AOPEP: variants seen among roughly 807,000 people sequenced by gnomAD.
The protein encoded by AOPEP is aminopeptidase O (putative).
AOPEP carries 77 observed loss-of-function variants against 98.1 expected under a neutral mutation model. That is an observed-to-expected ratio of 0.78 (90% CI 0.65 to 0.95). The LOEUF (loss-of-function observed/expected upper bound fraction) is 0.95, where lower values mean the gene tolerates loss of function less well. AOPEP is among the 40% of genes least tolerant of loss of function. AOPEP has a pLI of 0.00. For missense variants in AOPEP, 1,024 were observed against 1,024.7 expected, an observed-to-expected ratio of 1.00 and a Z score of 0.01; for synonymous variants, 346 against 365.3, an observed-to-expected ratio of 0.95 and a Z score of 0.60.
At chr9:95,133,244 C>T in the AOPEP span, among the ~76,000 whole-genome samples, 1 of 152,254 alleles carries the variant, frequency 6.6e-6, no homozygotes, top group African/African-American at 2.4e-5. Context: ...CTGAGGAGAA[C>T]AGCCCACACC....
intron 5 of AOPEP, among the ~76,000 whole-genome samples, chr9:94,851,583 C>T (rs902880441): frequency 1.3e-5 from 2 of 151,700 alleles, no homozygotes; most frequent in African/African-American, 4.8e-5. Flanking sequence ...ATTACTTGCT[C>T]TCTCCTCAGA....
Position 94,894,701 on chromosome 9 carries a change from C to T in AOPEP, c.1365-29285C>T, listed in dbSNP as rs2049269220. 5.9e-5 allele frequency among the ~76,000 whole-genome samples: 9 copies of T among 152,080 alleles called. No homozygotes were observed. The South Asian group carries it at 1.7e-3, about 28-fold the overall frequency. ...GAAGGCTTTCAAATTATGTTTATGA[C>T]CAGCAAAATACTAATGCCATAACCT... On this transcript the variant is annotated intron_variant, in intron 5 of 16. Transcript: ENST00000375315.
intron 3 of AOPEP, among the ~76,000 whole-genome samples, chr9:94,782,189 CA>C (rs1350000248): frequency 8.5e-5 from 12 of 141,368 alleles, no homozygotes; most frequent in Admixed American, 1.4e-4. Context: ...GACTCCGTCT[CA>C]AAAAAAAAAG....
chr9:95,146,487 C>CAAAAAAAAAA, the AOPEP span, among the ~76,000 whole-genome samples: 9 of 45,530 alleles, frequency 2.0e-4, no homozygotes, highest in African/African-American at 4.0e-4. Context: ...GACCCCATCT[C>CAAAAAAAAAA]AAAAAAAAAA....
intron 1 of AOPEP, among the ~76,000 whole-genome samples, chr9:94,731,456 G>C (rs1305796162): frequency 1.3e-5 from 2 of 152,062 alleles, no homozygotes; most frequent in African/African-American, 4.8e-5. Flanking sequence ...TCGATCTCCT[G>C]ACCCCGTGAT....
chr9:95,023,278 G>A (rs756319047), intron 13 of AOPEP, among the ~76,000 whole-genome samples: 15 of 152,352 alleles, frequency 9.8e-5, no homozygotes, highest in Non-Finnish European at 2.1e-4. Flanking sequence ...ACCAGGAAGT[G>A]TAGCTGCAGG....
chr9:94,999,406 A>G (rs2061425661), intron 11 of AOPEP, among the ~76,000 whole-genome samples: 1 of 152,216 alleles, frequency 6.6e-6, no homozygotes, highest in Non-Finnish European at 1.5e-5. Context: ...GGGAAAAGGG[A>G]TAAATTGCAA....
intron 5 of AOPEP, among the ~76,000 whole-genome samples, chr9:94,847,199 C>T (rs2042983533): frequency 6.6e-6 from 1 of 152,096 alleles, no homozygotes; most frequent in African/African-American, 2.4e-5. Flanking sequence ...CTCTCTCTCT[C>T]TCTCCACACA....
At chr9:95,129,981 C>G in the AOPEP span, among the ~76,000 whole-genome samples, 7 of 152,134 alleles carry the variant, frequency 4.6e-5, no homozygotes, top group Admixed American at 4.6e-4. Flanking sequence ...AGAAAGAAAG[C>G]CCATCTTCAT....
In AOPEP at chr9:94,925,925, G is replaced by T. The variant is rs2054245338; in HGVS notation, c.1554+1750G>T. ...CAGGTGTGAATGAGCTTAGCACAGT[G>T]CCTGACACGTGGAGAATGTACAAGA... On this transcript the variant is annotated intron_variant, in intron 6 of 16. Coordinates refer to ENST00000375315, the MANE Select transcript of AOPEP (RefSeq NM_001193329.3). Among the ~76,000 whole-genome samples the T allele has an allele frequency of 4.6e-5, 7 of 152,336 alleles. 1 individual carries two copies. In the Middle Eastern group the frequency reaches 0.024, roughly 518 times the overall value.
chr9:94,785,653 C>A (rs10993344), intron 3 of AOPEP, among the ~76,000 whole-genome samples: 3 of 152,144 alleles, frequency 2.0e-5, no homozygotes, highest in South Asian at 2.1e-4. Context: ...CTAATGAATC[C>A]CGACCTGGCT....
chr9:95,117,996 A>G, the AOPEP span, among the ~76,000 whole-genome samples: 1 of 151,886 alleles, frequency 6.6e-6, no homozygotes, highest in Non-Finnish European at 1.5e-5. Context: ...TACTGGGATT[A>G]CAGTGAGCCA....
chr9:94,899,903 A>G (rs1406598960), intron 5 of AOPEP, among the ~76,000 whole-genome samples: 2 of 152,226 alleles, frequency 1.3e-5, no homozygotes, highest in Non-Finnish European at 2.9e-5. Context: ...TTATTGAGTT[A>G]CTGAGTTAAA....
chr9:95,114,018 T>G, the AOPEP span: 2 of 161,628 alleles, frequency 1.2e-5, no homozygotes, highest in African/African-American at 4.8e-5. Context: ...GCGCAGGAAT[T>G]TGAGGCTACA....
intron 5 of AOPEP, among the ~76,000 whole-genome samples, chr9:94,892,582 G>C (rs2048995751): frequency 6.6e-6 from 1 of 152,226 alleles, no homozygotes; most frequent in African/African-American, 2.4e-5. Flanking sequence ...GATAGTTTCT[G>C]TGAGATGGCC....
intron 1 of AOPEP, among the ~76,000 whole-genome samples, chr9:94,733,177 A>G (rs1275630474): frequency 6.7e-6 from 1 of 149,068 alleles, no homozygotes; most frequent in Non-Finnish European, 1.5e-5. Flanking sequence ...CATGATCACA[A>G]CTCATTGCAA....
At chr9:95,124,896 C>T in the AOPEP span, among the ~76,000 whole-genome samples, 3 of 152,160 alleles carry the variant, frequency 2.0e-5, no homozygotes, top group African/African-American at 4.8e-5. Context: ...TATCAGGGCA[C>T]GGGGCAGACA....
At chr9:95,009,295 T>TAAA (rs1554802385) in intron 13 of AOPEP, among the ~76,000 whole-genome samples, 13 of 151,576 alleles carry the variant, frequency 8.6e-5, no homozygotes. Flanking sequence ...AATATATACA[T>TAAA]ATAATATAAA....
Position 94,747,866 on chromosome 9 carries a change from A to T in AOPEP, c.-135-11783A>T, listed in dbSNP as rs181757302. Among the ~76,000 whole-genome samples, 420 of 152,322 alleles carry T rather than the reference A, an allele frequency of 2.8e-3. 2 individuals carry two copies. The highest frequency in any genetic ancestry group is 9.8e-3 in the African/African-American group (406 of 41,582). On this transcript the variant is annotated intron_variant, in intron 1 of 16. Transcript: ENST00000375315. ...GTTTGTCCAAACCAATATTCTTGAG[A>T]ATTTCTCCTGAAGGAGGAAGCCAGT...
Sources: allele counts gnomAD v4.1 joint callset (sites outside exome capture counted in the v4.1 genomes callset), GRCh38; gene constraint gnomAD v4.1.1; transcripts MANE v1.5; gene names NCBI Gene and HGNC (gene_info 2026-07-23, HGNC 2026-07-21).